DMKN: variants seen among roughly 807,000 people sequenced by gnomAD.
DMKN encodes the protein dermokine.
Under a neutral mutation model 67.6 loss-of-function variants are expected in DMKN, and 58 were observed. That is an observed-to-expected ratio of 0.86 (90% CI 0.69 to 1.07). The LOEUF is 1.07. Among genes scored for constraint, DMKN ranks in the 50% least tolerant of loss-of-function variants. DMKN has a pLI of 0.00. For missense variants in DMKN, 596 were observed against 601.5 expected (o/e 0.99, Z 0.10); for synonymous variants, 240 against 232.3 (o/e 1.03, Z -0.30).
chr19:35,505,650 C>T, intron 9 of DMKN, 68 bp downstream of exon 9: 4 of 1,603,238 alleles, frequency 2.5e-6, no homozygotes, highest in Non-Finnish European at 2.6e-6. Flanking sequence ...ACTGTTTCCC[C>T]AGCTCACAGA....
At position 35,498,703 on chromosome 19, in the gene DMKN, C is replaced by G; in HGVS notation, c.*13G>C. On this transcript the variant is annotated intron_variant, in intron 15 of 15. Transcript: ENST00000339686. ...CCAGGATGTGGCCTGGGTCGGCTCA[C>G]TCTGACACTCACCTACCAAAACTTC... 6.2e-7 allele frequency: 1 copy of G among 1,613,904 alleles called. No homozygotes were observed. The highest frequency in any genetic ancestry group is 8.5e-7 in the Non-Finnish European group (1 of 1,179,970).
In DMKN at chr19:35,513,166, G is replaced by T; in HGVS notation, c.310C>A (p.His104Asn). ...ALGNRVGEAA[H>N]ALGNTGHEIG... ...TCGTGCCCAGTGTTTCCCAGAGCAT[G>T]GGCTGCTTCCCCGACCCTGTTGCCC... The change falls in exon 1 of 16, where the codon CAT (histidine) becomes AAT (asparagine). Residue 104 changes from histidine (H) to asparagine (N), a missense_variant. Transcript: ENST00000339686. 6.2e-7 allele frequency: 1 copy of T among 1,614,188 alleles called. No homozygotes were observed. Among genetic ancestry groups the T allele is most frequent in the Non-Finnish European group, 8.5e-7 (1 of 1,180,046 alleles).
At chr19:35,513,027 C>T in intron 1 of DMKN, 23 bp downstream of exon 1, 2 of 1,609,804 alleles carry the variant, frequency 1.2e-6, no homozygotes, top group Non-Finnish European at 1.7e-6. Flanking sequence ...CCCATTTCCA[C>T]ATGCAGCCCC....
At chr19:35,498,807 T>C (rs752112054) in intron 14 of DMKN, 44 bp from the exon 15 acceptor site, 1 of 1,614,154 alleles carries the variant, frequency 6.2e-7, no homozygotes. Context: ...ACAGGGTCCC[T>C]TCCATACCCT....
rs1357861671 is a variant in DMKN, at chr19:35,505,778, C to G, written c.1087-13G>C. 6.2e-7 allele frequency: 1 copy of G among 1,614,064 alleles called. No individual in the cohort carries two copies. Among genetic ancestry groups the G allele is most frequent in the Non-Finnish European group, 8.5e-7 (1 of 1,180,012 alleles). ...TGGATTTAAAATTCTATGGAGGAAA[C>G]AAAAAGAAGAATGGCCAAATTGAGT... On this transcript the variant is annotated splice_polypyrimidine_tract_variant and intron_variant, in intron 8 of 15. Coordinates refer to ENST00000339686, the MANE Select transcript of DMKN (RefSeq NM_033317.5).
intron 10 of DMKN, 149 bp downstream of exon 10, chr19:35,502,681 G>A: frequency 1.3e-6 from 1 of 777,270 alleles, no homozygotes; most frequent in Admixed American, 2.2e-5. Flanking sequence ...CTTCAGCCTG[G>A]GTGATAGAGC....
chr19:35,502,540 A>T (rs140666766), intron 10 of DMKN, among the ~76,000 whole-genome samples: 2,457 of 152,098 alleles, frequency 0.016, 45 homozygotes, highest in Admixed American at 0.053. Context: ...CTCTACTAAA[A>T]ATACAAAAAA....
At chr19:35,506,528 C>A in intron 7 of DMKN, 1 of 496,960 alleles carries the variant, frequency 2.0e-6, no homozygotes. Flanking sequence ...GCATCTGTCT[C>A]CAGAGTCTGG....
In DMKN at chr19:35,513,490, C is replaced by T. The variant is rs74751950; in HGVS notation, c.-15G>A. On this transcript the variant is annotated 5_prime_UTR_variant, in exon 1 of 16. Transcript: ENST00000339686. Reference sequence around the variant, plus strand: ...TGGAACTTCATCTCTGCCCAGCCCCCTCTCTCTCCAGAGTGTCTTCCTCCC... The same window carrying T: ...TGGAACTTCATCTCTGCCCAGCCCCTTCTCTCTCCAGAGTGTCTTCCTCCC... The T allele has an allele frequency of 2.7e-3, 4,334 of 1,586,884 alleles. 104 individuals carry two copies. The African/African-American group carries it at 0.052, about 19-fold the overall frequency.
chr19:35,511,454 TTGCCACTGCTGCCACCACTGC>T lies in DMKN; in HGVS notation c.854_874del (p.Ser285_Gly291del), dbSNP rs778238977. ...GCTGTCACCTCTGCTGCCACCACTG[TTGCCACTGCTGCCACCACTGC>T]TGCCGCCACTGCTGCCGCCACTGCT... On this transcript the variant is annotated inframe_deletion, in exon 5 of 16. Transcript: ENST00000339686. The T allele has an allele frequency of 3.2e-6, 5 of 1,559,946 alleles. No individual in the cohort carries two copies. Among genetic ancestry groups the T allele is most frequent in the East Asian group, 2.5e-5 (1 of 39,436 alleles).
chr19:35,508,917 TA>T (rs1437747486), intron 7 of DMKN, among the ~76,000 whole-genome samples: 3 of 152,056 alleles, frequency 2.0e-5, no homozygotes, highest in African/African-American at 7.2e-5. Context: ...AACTGAGGTA[TA>T]TTAAAAAACT....
rs1306214783 is a variant in DMKN at position 35,512,558 on chromosome 19, G to A, written c.627+32C>T. ...AGCATGTGGGCTTGGAGGGAGGGAG[G>A]TGGCAGGTAGCAGGTCTGGGGGTGA... On this transcript the variant is annotated intron_variant, in intron 2 of 15. Coordinates refer to ENST00000339686, the MANE Select transcript of DMKN (RefSeq NM_033317.5). 16 of 1,613,988 alleles carry A rather than the reference G, an allele frequency of 9.9e-6. No homozygotes were observed. The South Asian group carries it at 1.2e-4, about 12-fold the overall frequency.
Sources: gnomAD v4.1 joint callset for allele counts (sites outside exome capture counted in the v4.1 genomes callset) on GRCh38, gnomAD v4.1.1 for gene constraint, MANE v1.5 for transcripts, NCBI Gene and HGNC (gene_info 2026-07-23, HGNC 2026-07-21) for gene names.